Variants in SLIT2 observed in about 807,000 individuals in gnomAD.
SLIT2 encodes the protein slit guidance ligand 2, also known as slit homolog 2 protein.
In SLIT2, 41 loss-of-function variants were observed where a neutral mutation model predicts 185.7. That is an observed-to-expected ratio of 0.22 (90% CI 0.17 to 0.29). The LOEUF is 0.29. Among genes scored for constraint, SLIT2 ranks in the 10% least tolerant of loss-of-function variants. SLIT2 has a pLI of 1.00. For missense variants in SLIT2, 1,571 were observed against 1,909.0 expected (o/e 0.82, Z 3.30); for synonymous variants, 693 against 680.2 (o/e 1.02, Z -0.29).
At chr4:20,495,538 G>T (rs79580682) in intron 9 of SLIT2, among the ~76,000 whole-genome samples, 2 of 152,132 alleles carry the variant, frequency 1.3e-5, no homozygotes, top group African/African-American at 2.4e-5. Context: ...TCTTATGATC[G>T]TGATTTTCTT....
chr4:20,380,217 G>C (rs562272515), intron 4 of SLIT2, among the ~76,000 whole-genome samples: 2 of 152,268 alleles, frequency 1.3e-5, no homozygotes, highest in South Asian at 4.1e-4. Context: ...ATTAGTCCCA[G>C]ATCAAATGCT....
At chr4:20,429,258 A>T (rs1221013199) in intron 4 of SLIT2, among the ~76,000 whole-genome samples, 2 of 152,134 alleles carry the variant, frequency 1.3e-5, no homozygotes, top group Non-Finnish European at 2.9e-5. Flanking sequence ...TCAAGGCAGA[A>T]ATTATTTTTT....
At chr4:20,271,654 A>G (rs1045374864) in intron 4 of SLIT2, among the ~76,000 whole-genome samples, 1 of 151,628 alleles carries the variant, frequency 6.6e-6, no homozygotes, top group African/African-American at 2.4e-5. Context: ...TAGTTATTGT[A>G]TACTTTATTC....
rs1241288528 is a variant in SLIT2, at chr4:20,532,075, C to T, written c.1688+17C>T. On this transcript the variant is annotated intron_variant, in intron 17 of 36. Transcript: ENST00000504154. ...ACGTAAAATGTAAGTCACTTGTTAG[C>T]TATTTTTTTTATTTCTGTAGCATTT... 5.7e-6 allele frequency: 8 copies of T among 1,397,638 alleles called. No individual in the cohort carries two copies. Among genetic ancestry groups the T allele is most frequent in the Non-Finnish European group, 7.7e-6 (8 of 1,040,536 alleles). The allele number at this position is 1,397,638 out of a possible 1,614,324, so 86.6% of individuals were successfully genotyped here.
At chr4:20,445,305 A>G (rs1272674644) in intron 4 of SLIT2, among the ~76,000 whole-genome samples, 2 of 152,242 alleles carry the variant, frequency 1.3e-5, no homozygotes, top group African/African-American at 4.8e-5. Flanking sequence ...CATGAGCATC[A>G]TATTTTCAAG....
intron 4 of SLIT2, among the ~76,000 whole-genome samples, chr4:20,308,023 G>C (rs1717746233): frequency 6.6e-6 from 1 of 152,192 alleles, no homozygotes; most frequent in Non-Finnish European, 1.5e-5. Flanking sequence ...ATGCCAGCAA[G>C]GAGGAGATTA....
intron 6 of SLIT2, among the ~76,000 whole-genome samples, chr4:20,483,327 A>G (rs929367672): frequency 6.6e-6 from 1 of 152,072 alleles, no homozygotes; most frequent in Admixed American, 6.6e-5. Context: ...TCTAAGGTGG[A>G]TGAAAGCAAG....
At chr4:20,400,797 G>A (rs1726284569) in intron 4 of SLIT2, among the ~76,000 whole-genome samples, 1 of 151,782 alleles carries the variant, frequency 6.6e-6, no homozygotes, top group Non-Finnish European at 1.5e-5. Context: ...GGAATGTGGT[G>A]ACTTAGATGT....
At chr4:20,497,028 T>C (rs1003175292) in intron 9 of SLIT2, among the ~76,000 whole-genome samples, 1 of 151,920 alleles carries the variant, frequency 6.6e-6, no homozygotes, top group African/African-American at 2.4e-5. Flanking sequence ...CTGTTCTGCA[T>C]ACTTACTTGG....
At chr4:20,451,539 T>C (rs1386166290) in intron 4 of SLIT2, among the ~76,000 whole-genome samples, 2 of 152,226 alleles carry the variant, frequency 1.3e-5, no homozygotes, top group African/African-American at 4.8e-5. Flanking sequence ...AATGCACACA[T>C]AACATATATG....
At chr4:20,411,174 A>T (rs975021449) in intron 4 of SLIT2, among the ~76,000 whole-genome samples, 3 of 152,050 alleles carry the variant, frequency 2.0e-5, no homozygotes, top group African/African-American at 7.2e-5. Context: ...CTTTTTGTGA[A>T]AAAGCCTGAT....
chr4:20,488,952 G>A lies in SLIT2; in HGVS notation c.745G>A (p.Glu249Lys), dbSNP rs574995128. The change falls in exon 8 of 37, where the codon GAG (glutamate) becomes AAG (lysine). Residue 249 changes from glutamate to lysine, a missense_variant. Coordinates refer to ENST00000504154, the MANE Select transcript of SLIT2 (RefSeq NM_004787.4). ...CCACCTGAGAGGCCATAATGTAGCC[G>A]AGGTTCAAAAACGAGAATTTGTCTG... is the stretch of plus-strand genomic sequence containing the variant. ...PSHLRGHNVA[E>K]VQKREFVCSG... The A allele has an allele frequency of 6.2e-6, 10 of 1,611,318 alleles. No homozygotes were observed. The highest frequency in any genetic ancestry group is 4.0e-5 in the African/African-American group (3 of 75,030).
At chr4:20,615,829 G>A (rs1729608012) in intron 34 of SLIT2, 1 of 152,276 alleles carries the variant, frequency 6.6e-6, no homozygotes, top group African/African-American at 2.4e-5. Flanking sequence ...AGAACTTCCA[G>A]CCAGTAGTCC....
rs144001590 is a variant in SLIT2 at position 20,505,859 on chromosome 4, C to T, written c.915-4636C>T. Among the ~76,000 whole-genome samples the T allele has an allele frequency of 4.6e-5, 7 of 151,912 alleles. No individual in the cohort carries two copies. In the East Asian group the frequency reaches 5.8e-4, roughly 13 times the overall value. On this transcript the variant is annotated intron_variant, in intron 9 of 36. Coordinates refer to ENST00000504154, the MANE Select transcript of SLIT2 (RefSeq NM_004787.4). ...GTTCATTCTTTAAGAGCTTTAAAGT[C>T]GTGAAGACATGTATAATGAGGTAGC...
intron 4 of SLIT2, among the ~76,000 whole-genome samples, chr4:20,364,829 A>C (rs1218553315): frequency 6.6e-6 from 1 of 152,158 alleles, no homozygotes; most frequent in Non-Finnish European, 1.5e-5. Context: ...ATTGTAATAT[A>C]CTGTGAAGTT....
chr4:20,289,575 C>G (rs1380925537), intron 4 of SLIT2, among the ~76,000 whole-genome samples: 3 of 152,174 alleles, frequency 2.0e-5, no homozygotes, highest in Admixed American at 2.0e-4. Context: ...TATGCTCATA[C>G]AATCTCATAG....
chr4:20,298,667 GTACAGTTAAAATGA>G (rs1259802089), intron 4 of SLIT2, among the ~76,000 whole-genome samples: 1 of 152,094 alleles, frequency 6.6e-6, no homozygotes, highest in Non-Finnish European at 1.5e-5. Flanking sequence ...GTTCTAAATG[GTACAGTTAAAATGA>G]TTTACTAAGC....
intron 29 of SLIT2, among the ~76,000 whole-genome samples, chr4:20,577,053 T>C (rs1370584050): frequency 1.3e-5 from 2 of 152,066 alleles, no homozygotes; most frequent in East Asian, 3.9e-4. Context: ...ATGCTAAGTA[T>C]TGAAAGTGAT....
At chr4:20,483,214 G>A (rs1263734029) in intron 6 of SLIT2, among the ~76,000 whole-genome samples, 1 of 151,902 alleles carries the variant, frequency 6.6e-6, no homozygotes, top group Admixed American at 6.6e-5. Context: ...AAGCTAGATG[G>A]GAGAAAATGA....
Sources: allele counts gnomAD v4.1 joint callset (sites outside exome capture counted in the v4.1 genomes callset), GRCh38; gene constraint gnomAD v4.1.1; transcripts MANE v1.5; gene names NCBI Gene and HGNC (gene_info 2026-07-23, HGNC 2026-07-21).